Variants in TAOK3 observed in about 807,000 individuals in gnomAD.
TAOK3 encodes serine/threonine-protein kinase TAO3.
TAOK3 carries 40 observed loss-of-function variants against 120.4 expected under a neutral mutation model. The ratio of observed to expected loss-of-function variants is 0.33; its 90% CI spans 0.26 to 0.43. The LOEUF (loss-of-function observed/expected upper bound fraction) is 0.43. Ranked by LOEUF, TAOK3 falls within the 20% of genes least tolerant of loss-of-function variation. The pLI, the probability that TAOK3 is intolerant of heterozygous loss-of-function variation, is 1.00. For missense variants in TAOK3, 821 were observed against 1,112.1 expected (o/e 0.74, Z 3.72); for synonymous variants, 355 against 387.5 (o/e 0.92, Z 0.99).
chr12:118,164,146 C>T (rs943004813), intron 17 of TAOK3, among the ~76,000 whole-genome samples: 30 of 151,422 alleles, frequency 2.0e-4, no homozygotes, highest in African/African-American at 7.0e-4. Context: ...CATGGTGAAA[C>T]CCCGTCTCCA....
intron 3 of TAOK3, among the ~76,000 whole-genome samples, chr12:118,247,424 A>G (rs1306017420): frequency 6.6e-6 from 1 of 152,078 alleles, no homozygotes; most frequent in African/African-American, 2.4e-5. Context: ...ACATATGAAA[A>G]CCATTAATAA....
At chr12:118,370,497 A>C (rs907504002) in intron 1 of TAOK3, among the ~76,000 whole-genome samples, 2 of 152,234 alleles carry the variant, frequency 1.3e-5, no homozygotes, top group Non-Finnish European at 2.9e-5. Context: ...AATAACCGAC[A>C]TTACATAGTA....
chr12:118,367,271 A>G (rs2045763914), intron 1 of TAOK3, among the ~76,000 whole-genome samples: 1 of 152,176 alleles, frequency 6.6e-6, no homozygotes, highest in African/African-American at 2.4e-5. Context: ...TTTAAATATA[A>G]TTCAATATCC....
chr12:118,195,659 G>A (rs1330124915), intron 13 of TAOK3, among the ~76,000 whole-genome samples: 1 of 152,186 alleles, frequency 6.6e-6, no homozygotes, highest in Non-Finnish European at 1.5e-5. Flanking sequence ...ATTGAAAAAA[G>A]TAGTGTGGCA....
intron 13 of TAOK3, among the ~76,000 whole-genome samples, chr12:118,193,272 C>A (rs1349331260): frequency 6.6e-6 from 1 of 152,018 alleles, no homozygotes; most frequent in Non-Finnish European, 1.5e-5. Flanking sequence ...TGGTCTCAAA[C>A]TCCTGAGCTC....
intron 1 of TAOK3, among the ~76,000 whole-genome samples, chr12:118,273,367 T>C (rs2041788454): frequency 6.6e-6 from 1 of 152,064 alleles, no homozygotes; most frequent in African/African-American, 2.4e-5. Flanking sequence ...CCAGGTGTGG[T>C]GGTACACGCC....
At chr12:118,272,571 T>C (rs567732402) in intron 1 of TAOK3, among the ~76,000 whole-genome samples, 1 of 152,294 alleles carries the variant, frequency 6.6e-6, no homozygotes, top group Non-Finnish European at 1.5e-5. Flanking sequence ...CTGGAAAGAA[T>C]TTTAAAGATA....
chr12:118,217,092 C>G (rs1018262127), intron 9 of TAOK3, among the ~76,000 whole-genome samples: 1 of 152,154 alleles, frequency 6.6e-6, no homozygotes, highest in Non-Finnish European at 1.5e-5. Context: ...TAAGTAAAGG[C>G]TCTTCTTCTA....
chr12:118,160,069 G>A lies in TAOK3; in HGVS notation c.2352+77C>T. The A allele has an allele frequency of 1.7e-6, 2 of 1,203,214 alleles. No individual in the cohort carries two copies. Among genetic ancestry groups the A allele is most frequent in the Non-Finnish European group, 2.5e-6 (2 of 814,528 alleles). 74.5% of individuals were successfully genotyped at this position (1,203,214 alleles called of 1,614,324 possible). On this transcript the variant is annotated intron_variant, in intron 19 of 20. Coordinates refer to ENST00000392533, the MANE Select transcript of TAOK3 (RefSeq NM_016281.4). The surrounding 1 kb of genome is among the most constrained non-coding windows in gnomAD (Gnocchi z 4.2). The stretch of plus-strand genomic sequence containing the variant: ...CCTAAATTTGTGCAAGAATCATCTT[G>A]GGAACAACAGGCTGGATCTTGGATT...
At chr12:118,302,589 A>G (rs1017653916) in intron 1 of TAOK3, among the ~76,000 whole-genome samples, 1 of 152,226 alleles carries the variant, frequency 6.6e-6, no homozygotes, top group African/African-American at 2.4e-5. Flanking sequence ...AGAAAGAGAC[A>G]GGACAGCTAA....
intron 1 of TAOK3, among the ~76,000 whole-genome samples, chr12:118,323,901 A>T (rs1002824247): frequency 6.6e-6 from 1 of 152,206 alleles, no homozygotes; most frequent in African/African-American, 2.4e-5. Flanking sequence ...GAGGAATAAC[A>T]TATGGGAATG....
chr12:118,199,477 G>T (rs1233643160), intron 12 of TAOK3: 3 of 570,526 alleles, frequency 5.3e-6, no homozygotes, highest in Non-Finnish European at 6.3e-6. Context: ...CTGGACGTGG[G>T]TCATAAGGCT....
chr12:118,304,869 G>A (rs556591816), intron 1 of TAOK3, among the ~76,000 whole-genome samples: 2 of 152,290 alleles, frequency 1.3e-5, no homozygotes, highest in African/African-American at 4.8e-5. Flanking sequence ...AAATGGCAAA[G>A]AGAAACAACA....
intron 2 of TAOK3, among the ~76,000 whole-genome samples, chr12:118,260,631 A>C (rs1200177542): frequency 6.6e-6 from 1 of 152,216 alleles, no homozygotes; most frequent in Admixed American, 6.5e-5. Context: ...TGTAAAGCAG[A>C]GACAGACAAA....
intron 3 of TAOK3, among the ~76,000 whole-genome samples, chr12:118,250,742 ACTG>A (rs1311821789): frequency 6.6e-6 from 1 of 152,176 alleles, no homozygotes; most frequent in South Asian, 2.1e-4. Flanking sequence ...AAAATGTAAA[ACTG>A]CAATTCTGAT....
At chr12:118,355,512 CCTT>C (rs1374669279) in intron 1 of TAOK3, among the ~76,000 whole-genome samples, 1 of 152,298 alleles carries the variant, frequency 6.6e-6, no homozygotes, top group Non-Finnish European at 1.5e-5. Context: ...ATCCCTGTCT[CCTT>C]CTTCCTATCC....
intron 14 of TAOK3, among the ~76,000 whole-genome samples, chr12:118,184,728 A>G (rs2036967357): frequency 6.6e-6 from 1 of 152,236 alleles, no homozygotes; most frequent in African/African-American, 2.4e-5. Flanking sequence ...AGTTTTTACA[A>G]TGGCAGTCTC....
intron 19 of TAOK3, chr12:118,152,688 T>A: frequency 2.8e-6 from 1 of 359,876 alleles, no homozygotes; most frequent in African/African-American, 2.0e-5. Context: ...GGTAGGCTCC[T>A]GGGCTTGAAT....
At chr12:118,248,887 T>C (rs969719832) in intron 3 of TAOK3, among the ~76,000 whole-genome samples, 1 of 152,190 alleles carries the variant, frequency 6.6e-6, no homozygotes, top group Non-Finnish European at 1.5e-5. Flanking sequence ...GATTATTCTA[T>C]AGATGTGAAC....
Sources: gnomAD v4.1 joint callset for allele counts (sites outside exome capture counted in the v4.1 genomes callset) on GRCh38, gnomAD v4.1.1 for gene constraint, Gnocchi (gnomAD v3.1) non-coding constraint, MANE v1.5 for transcripts, NCBI Gene and HGNC (gene_info 2026-07-23, HGNC 2026-07-21) for gene names.